CYP7B1: variants seen among roughly 807,000 people sequenced by gnomAD.
The protein encoded by CYP7B1 is cytochrome P450 family 7 subfamily B member 1.
In CYP7B1, 29 loss-of-function variants were observed where a neutral mutation model predicts 42.7. The ratio of observed to expected loss-of-function variants is 0.68; its 90% CI spans 0.51 to 0.93. The LOEUF (loss-of-function observed/expected upper bound fraction) is 0.93, where lower values mean the gene tolerates loss of function less well. Ranked by LOEUF, CYP7B1 falls within the 40% of genes least tolerant of loss-of-function variation. CYP7B1 has a pLI of 0.00. For missense variants in CYP7B1, 655 were observed against 600.5 expected (o/e 1.09, Z -0.95); for synonymous variants, 235 against 218.2 (o/e 1.08, Z -0.68).
In CYP7B1 at chr8:64,786,789, C is replaced by T. The variant is rs1804534583; in HGVS notation, c.122+11677G>A. ...TCTGCACTGCCCTAGCAAAGGTTCT[C>T]CATGAGGGCTCCACCCCTGTAACAC... On this transcript the variant is annotated intron_variant, in intron 1 of 5. Coordinates refer to ENST00000310193, the MANE Select transcript of CYP7B1 (RefSeq NM_004820.5). Among the ~76,000 whole-genome samples, 3 of 152,252 alleles carry T rather than the reference C, an allele frequency of 2.0e-5. No individual in the cohort carries two copies. The South Asian group carries it at 6.2e-4, about 31-fold the overall frequency.
Position 64,592,605 on chromosome 8 carries a change from T to TA in CYP7B1, c.*4036dup, listed in dbSNP as rs1805053034. 6.6e-6 allele frequency among the ~76,000 whole-genome samples: 1 copy of TA among 152,182 alleles called. No homozygotes were observed. The highest frequency in any genetic ancestry group is 1.5e-5 in the Non-Finnish European group (1 of 68,020). ...TGAACAATGAATTAACAAATGACTA[T>TA]AAAAAACGATTCCCTTGAACAATAC... On this transcript the variant is annotated 3_prime_UTR_variant, in exon 6 of 6. Transcript: ENST00000310193.
intron 4 of CYP7B1, among the ~76,000 whole-genome samples, chr8:64,614,650 C>G (rs1335077195): frequency 2.0e-5 from 3 of 152,152 alleles, no homozygotes; most frequent in Non-Finnish European, 2.9e-5. Flanking sequence ...ACACAGGGTG[C>G]CTTTTTTGCA....
intron 1 of CYP7B1, among the ~76,000 whole-genome samples, chr8:64,635,130 A>G (rs1398098130): frequency 1.3e-5 from 2 of 152,186 alleles, no homozygotes; most frequent in African/African-American, 2.4e-5. Flanking sequence ...AATTAGGTCA[A>G]TTTTCCCCTT....
At chr8:64,656,074 C>G (rs534156546) in intron 1 of CYP7B1, among the ~76,000 whole-genome samples, 1 of 152,204 alleles carries the variant, frequency 6.6e-6, no homozygotes, top group South Asian at 2.1e-4. Flanking sequence ...GGCTCAATAC[C>G]TGGGTGATGA....
rs374456738 is a variant in CYP7B1 at position 64,643,071 on chromosome 8, ATGTG to A, written c.123-18536_123-18533del. Among the ~76,000 whole-genome samples, 701 of 145,832 alleles carry A rather than the reference ATGTG, an allele frequency of 4.8e-3. 12 individuals carry two copies. The highest frequency in any genetic ancestry group is 0.04 in the Admixed American group (585 of 14,482). ...TCTCCAGAATAAAAGAATCAATAGGATGTGTGTGTGTGTGTGTATATATATACAC... is the reference window on the plus strand; with the variant it reads ...TCTCCAGAATAAAAGAATCAATAGGATGTGTGTGTGTGTATATATATACAC... On this transcript the variant is annotated intron_variant, in intron 1 of 5. Transcript: ENST00000310193.
Position 64,615,142 on chromosome 8 carries a change from G to A in CYP7B1, c.941C>T (p.Ala314Val), listed in dbSNP as rs775227835. 9 of 1,613,674 alleles carry A rather than the reference G, an allele frequency of 5.6e-6. No individual in the cohort carries two copies. Among genetic ancestry groups the A allele is most frequent in the Non-Finnish European group, 7.6e-6 (9 of 1,179,792 alleles). The change falls in exon 4 of 6, where the codon GCT becomes GTT. Residue 314 changes from alanine to valine, a missense_variant. Transcript: ENST00000310193. Reference sequence around the variant, plus strand: ...AATTTCGTCACGCACTGCTGCCATAGCTTCTGGGTGCCGCAGAAGATAATA... The same window carrying A: ...AATTTCGTCACGCACTGCTGCCATAACTTCTGGGTGCCGCAGAAGATAATA... ...AMYYLLRHPE[A>V]MAAVRDEIDR...
At chr8:64,751,939 A>G (rs1468228912) in intron 1 of CYP7B1, among the ~76,000 whole-genome samples, 2 of 152,280 alleles carry the variant, frequency 1.3e-5, no homozygotes, top group South Asian at 2.1e-4. Flanking sequence ...ATTCACAATA[A>G]AAGTTTATTT....
chr8:64,727,649 T>C (rs1405320227), intron 1 of CYP7B1, among the ~76,000 whole-genome samples: 1 of 152,170 alleles, frequency 6.6e-6, no homozygotes, highest in African/African-American at 2.4e-5. Flanking sequence ...AGGCAAAGAT[T>C]ATGCTAATAC....
At chr8:64,632,330 C>G (rs1805709075) in intron 1 of CYP7B1, among the ~76,000 whole-genome samples, 1 of 152,106 alleles carries the variant, frequency 6.6e-6, no homozygotes, top group Non-Finnish European at 1.5e-5. Flanking sequence ...AGAAAACAAA[C>G]ACTACATGAT....
At chr8:64,788,145 C>T (rs1225195703) in intron 1 of CYP7B1, among the ~76,000 whole-genome samples, 5 of 152,150 alleles carry the variant, frequency 3.3e-5, no homozygotes, top group African/African-American at 4.8e-5. Context: ...GAATGTAAAA[C>T]ACAGAAAGAA....
At chr8:64,589,520 TTAAA>T (rs1805008434), downstream of CYP7B1, among the ~76,000 whole-genome samples, 1 of 152,194 alleles carries the variant, frequency 6.6e-6, no homozygotes, top group African/African-American at 2.4e-5. Flanking sequence ...TTATAAAACT[TTAAA>T]TAAACTCATT....
chr8:64,636,417 A>G (rs1187898520), intron 1 of CYP7B1, among the ~76,000 whole-genome samples: 1 of 152,206 alleles, frequency 6.6e-6, no homozygotes, highest in Non-Finnish European at 1.5e-5. Flanking sequence ...ACAATGACTC[A>G]CACAGTAAGC....
chr8:64,752,302 C>T (rs192637386), intron 1 of CYP7B1, among the ~76,000 whole-genome samples: 19 of 152,120 alleles, frequency 1.2e-4, no homozygotes, highest in South Asian at 8.3e-4. Flanking sequence ...AGTTTACTTA[C>T]AAACAGGTCT....
intron 1 of CYP7B1, among the ~76,000 whole-genome samples, chr8:64,794,106 G>T (rs1026946354): frequency 6.6e-6 from 1 of 152,158 alleles, no homozygotes; most frequent in Non-Finnish European, 1.5e-5. Context: ...AGGGCAGCTG[G>T]AACTCAAGGA....
At chr8:64,602,899 C>G (rs1042583338) in intron 5 of CYP7B1, among the ~76,000 whole-genome samples, 2 of 152,118 alleles carry the variant, frequency 1.3e-5, no homozygotes, top group Admixed American at 6.5e-5. Flanking sequence ...AATGATAAAA[C>G]CTTCCCAAAT....
At chr8:64,608,746 A>C (rs920585576) in intron 4 of CYP7B1, among the ~76,000 whole-genome samples, 8 of 152,222 alleles carry the variant, frequency 5.3e-5, no homozygotes, top group African/African-American at 1.9e-4. Flanking sequence ...GCATTTCTAC[A>C]TAAGTGTCTT....
chr8:64,590,134 T>G (rs984362354), downstream of CYP7B1, among the ~76,000 whole-genome samples: 3 of 152,222 alleles, frequency 2.0e-5, no homozygotes, highest in African/African-American at 7.2e-5. Context: ...ATTTCACAGT[T>G]TATCTATTTA....
At chr8:64,719,290 A>T (rs73243414) in intron 1 of CYP7B1, among the ~76,000 whole-genome samples, 2,192 of 152,312 alleles carry the variant, frequency 0.014, 46 homozygotes, top group African/African-American at 0.049. Flanking sequence ...CATCATTAAG[A>T]TCCCCACAAA....
At chr8:64,728,117 T>C (rs1563406958) in intron 1 of CYP7B1, 1 of 152,222 alleles carries the variant, frequency 6.6e-6, no homozygotes, top group East Asian at 1.9e-4. Flanking sequence ...CCTAAGGAAC[T>C]GTCTCTGCAC....
Sources: gnomAD v4.1 joint callset for allele counts (sites outside exome capture counted in the v4.1 genomes callset) on GRCh38, gnomAD v4.1.1 for gene constraint, MANE v1.5 for transcripts, NCBI Gene and HGNC (gene_info 2026-07-23, HGNC 2026-07-21) for gene names.